WWOX: variants seen among roughly 807,000 people sequenced by gnomAD.
WWOX encodes WW domain containing oxidoreductase.
WWOX carries 69 observed loss-of-function variants against 46.2 expected under a neutral mutation model. That is an observed-to-expected ratio of 1.49 (90% CI 1.23 to 1.82). The LOEUF (loss-of-function observed/expected upper bound fraction) is 1.82, where lower values mean the gene tolerates loss of function less well. Ranked by LOEUF, WWOX falls within the 40% of genes most tolerant of loss-of-function variation. The probability of loss-of-function intolerance (pLI) is 0.00; values close to 1 mark genes in which losing one functional copy is unlikely to be tolerated. For synonymous variants in WWOX, 359 were observed against 202.6 expected, an observed-to-expected ratio of 1.77 and a Z score of -6.56; for missense variants, 919 against 542.6, an observed-to-expected ratio of 1.69 and a Z score of -6.89.
At chr16:79,051,292 C>G (rs1411158113) in intron 8 of WWOX, among the ~76,000 whole-genome samples, 1 of 152,110 alleles carries the variant, frequency 6.6e-6, no homozygotes, top group Non-Finnish European at 1.5e-5. Flanking sequence ...GCGCAGGAGA[C>G]CCTACTAAAA....
chr16:79,104,880 C>A (rs564603325), intron 8 of WWOX, among the ~76,000 whole-genome samples: 1 of 152,170 alleles, frequency 6.6e-6, no homozygotes, highest in African/African-American at 2.4e-5. Context: ...CGACAGACAG[C>A]GGCCAGAGAA....
intron 8 of WWOX, among the ~76,000 whole-genome samples, chr16:78,543,218 C>T (rs765545568): frequency 1.3e-5 from 2 of 152,138 alleles, no homozygotes; most frequent in Non-Finnish European, 1.5e-5. Flanking sequence ...CCAGTTAGGG[C>T]GAGTCACAAC....
intron 8 of WWOX, among the ~76,000 whole-genome samples, chr16:78,806,124 C>T (rs986820273): frequency 2.0e-5 from 3 of 152,176 alleles, no homozygotes; most frequent in Non-Finnish European, 4.4e-5. Flanking sequence ...ATTAGGCTGT[C>T]TGTTTTCTTT....
At chr16:78,612,686 G>A (rs148862499) in intron 8 of WWOX, among the ~76,000 whole-genome samples, 2,483 of 152,156 alleles carry the variant, frequency 0.016, 63 homozygotes, top group African/African-American at 0.056. Flanking sequence ...TGTTGCCCAG[G>A]CTGGTCTCAA....
intron 8 of WWOX, among the ~76,000 whole-genome samples, chr16:78,934,508 CAA>C (rs760272326): frequency 1.8e-3 from 133 of 73,922 alleles, no homozygotes; most frequent in African/African-American, 5.6e-3. Flanking sequence ...AACCCTGTAT[CAA>C]AAAAAAAAAA....
chr16:78,841,466 A>C (rs182329421), intron 8 of WWOX, among the ~76,000 whole-genome samples: 3 of 152,322 alleles, frequency 2.0e-5, no homozygotes, highest in Admixed American at 2.0e-4. Context: ...CGTGGTGAGA[A>C]TATTTACACC....
At chr16:79,201,490 C>G (rs1328683954) in intron 8 of WWOX, among the ~76,000 whole-genome samples, 1 of 152,014 alleles carries the variant, frequency 6.6e-6, no homozygotes, top group Non-Finnish European at 1.5e-5. Flanking sequence ...TTCAAGGGCT[C>G]CAGAGAGTCC....
intron 5 of WWOX, among the ~76,000 whole-genome samples, chr16:78,318,453 C>T (rs1474900619): frequency 1.3e-5 from 2 of 151,994 alleles, no homozygotes; most frequent in Admixed American, 6.6e-5. Context: ...TAATATTATT[C>T]TGTTGTTTCC....
intron 8 of WWOX, among the ~76,000 whole-genome samples, chr16:78,741,721 G>A (rs1428800396): frequency 1.3e-5 from 2 of 152,132 alleles, no homozygotes; most frequent in Non-Finnish European, 2.9e-5. Context: ...GGGGCATGGG[G>A]CGGGTGCTCT....
intron 6 of WWOX, among the ~76,000 whole-genome samples, 176 bp from the exon 7 acceptor site, chr16:78,424,694 T>G (rs1370048332): frequency 6.6e-6 from 1 of 152,184 alleles, no homozygotes; most frequent in Non-Finnish European, 1.5e-5. Flanking sequence ...TAGGGTATCC[T>G]ATTTCTACAT....
chr16:78,262,102 A>G (rs1157906473), intron 5 of WWOX, among the ~76,000 whole-genome samples: 1 of 148,928 alleles, frequency 6.7e-6, no homozygotes, highest in Non-Finnish European at 1.5e-5. Context: ...TCTGTCAAAA[A>G]AAAAAAAAAA....
intron 8 of WWOX, among the ~76,000 whole-genome samples, chr16:78,782,535 G>C (rs1055483454): frequency 1.3e-5 from 2 of 152,162 alleles, no homozygotes; most frequent in Non-Finnish European, 2.9e-5. Context: ...ATTCAAGAGT[G>C]ATGGACCAAA....
intron 5 of WWOX, among the ~76,000 whole-genome samples, chr16:78,293,978 G>GAAAAAAAA (rs35079271): frequency 1.3e-4 from 4 of 30,306 alleles, no homozygotes; most frequent in African/African-American, 2.0e-4. Flanking sequence ...CTCTGTCTCA[G>GAAAAAAAA]AAAAAAAAAA....
intron 8 of WWOX, among the ~76,000 whole-genome samples, chr16:78,905,715 G>A (rs1383768405): frequency 6.6e-6 from 1 of 152,144 alleles, no homozygotes; most frequent in East Asian, 1.9e-4. Context: ...GATGGACCAT[G>A]AACTCCCTTT....
intron 8 of WWOX, among the ~76,000 whole-genome samples, chr16:79,208,485 G>C (rs2051597584): frequency 6.6e-6 from 1 of 152,146 alleles, no homozygotes. Context: ...ATGACAACTG[G>C]CAAGGTATTG....
rs897563194 is a variant in WWOX at position 78,170,173 on chromosome 16, G to T, written c.516+5884G>T. On this transcript the variant is annotated intron_variant, in intron 5 of 8. Transcript: ENST00000566780. ...GCATTGCCAGATGTCTCTTGGGGGT[G>T]CAAATCGTCCCCAGTTCATAACCAC... Among the ~76,000 whole-genome samples the T allele has an allele frequency of 3.9e-5, 6 of 152,172 alleles. No homozygotes were observed. The South Asian group carries it at 1.0e-3, about 26-fold the overall frequency.
At chr16:78,879,045 T>G (rs1438077118) in intron 8 of WWOX, among the ~76,000 whole-genome samples, 2 of 151,908 alleles carry the variant, frequency 1.3e-5, no homozygotes, top group Admixed American at 6.6e-5. Flanking sequence ...TCACCCTGGA[T>G]CTGGAAGGAA....
chr16:78,120,340 G>A (rs963062176), intron 4 of WWOX, among the ~76,000 whole-genome samples: 1 of 152,134 alleles, frequency 6.6e-6, no homozygotes, highest in Non-Finnish European at 1.5e-5. Flanking sequence ...AGAGGCCGAG[G>A]CGGGTGGATC....
chr16:78,816,014 G>A (rs547963460), intron 8 of WWOX, among the ~76,000 whole-genome samples: 1 of 152,290 alleles, frequency 6.6e-6, no homozygotes, highest in East Asian at 1.9e-4. Flanking sequence ...CCCTAGAACT[G>A]TAAGGCCAAG....
Sources: gnomAD v4.1 joint callset for allele counts (sites outside exome capture counted in the v4.1 genomes callset) on GRCh38, gnomAD v4.1.1 for gene constraint, MANE v1.5 for transcripts, NCBI Gene and HGNC (gene_info 2026-07-23, HGNC 2026-07-21) for gene names.